Variants in DYDC1 observed in about 807,000 individuals in gnomAD.
The protein encoded by DYDC1 is DPY30 domain-containing protein 1.
A neutral mutation model predicts 27.9 loss-of-function variants in DYDC1; 21 were observed. That is an observed-to-expected ratio of 0.75 (90% CI 0.53 to 1.08). The LOEUF is 1.08. Among genes scored for constraint, DYDC1 ranks in the 50% least tolerant of loss-of-function variants. The pLI, the probability that DYDC1 is intolerant of heterozygous loss-of-function variation, is 0.00. For missense variants in DYDC1, 202 were observed against 205.9 expected (o/e 0.98, Z 0.12); for synonymous variants, 67 against 65.8 (o/e 1.02, Z -0.09).
intron 5 of DYDC1, 47 bp from the exon 6 acceptor site, chr10:80,338,618 ATACAT>A (rs1842216103): frequency 6.8e-7 from 1 of 1,467,642 alleles, no homozygotes; most frequent in Non-Finnish European, 9.0e-7. Context: ...TTCAAAATTA[ATACAT>A]TACTTTTCTT....
At chr10:80,352,315 T>C in intron 2 of DYDC1, 140 bp downstream of exon 2, 2 of 1,244,840 alleles carry the variant, frequency 1.6e-6, no homozygotes, top group Non-Finnish European at 2.1e-6. Context: ...TTCTCCTTCC[T>C]GCTTTTCATG....
At chr10:80,354,002 G>A (rs1296390338) in intron 1 of DYDC1, among the ~76,000 whole-genome samples, 1 of 151,962 alleles carries the variant, frequency 6.6e-6, no homozygotes, top group Non-Finnish European at 1.5e-5. Context: ...TGTAGTCCCA[G>A]CTACTTGGGA....
chr10:80,356,717 C>T lies in DYDC1; in HGVS notation c.-15G>A. On this transcript the variant is annotated 5_prime_UTR_variant, in exon 1 of 7. Coordinates refer to ENST00000372202, the MANE Select transcript of DYDC1 (RefSeq NM_001269053.2). ...GGCCTTTCCGGTGCGCTCACCCCTA[C>T]ACACGCGCCTGCTCGCCACCCAGGA... 1.0e-6 allele frequency: 1 copy of T among 985,072 alleles called. No homozygotes were observed. Among genetic ancestry groups the T allele is most frequent in the Non-Finnish European group, 1.2e-6 (1 of 829,586 alleles). 61.0% of individuals were successfully genotyped at this position (985,072 alleles called of 1,614,324 possible). A position where few individuals can be genotyped will look rare whatever the true frequency, so the allele number is the denominator to read the frequency against.
chr10:80,347,339 G>A (rs1278936701), intron 3 of DYDC1, among the ~76,000 whole-genome samples: 2 of 110,488 alleles, frequency 1.8e-5, no homozygotes, highest in East Asian at 6.1e-4. Flanking sequence ...ATATTTTGGA[G>A]ATTAACTCCT....
chr10:80,342,185 T>C, intron 4 of DYDC1, 84 bp downstream of exon 4: 1 of 1,339,700 alleles, frequency 7.5e-7, no homozygotes, highest in Non-Finnish European at 1.1e-6. Flanking sequence ...AATCCCATGG[T>C]CCTTCTGCTA....
chr10:80,341,224 C>G (rs540005345), intron 4 of DYDC1, among the ~76,000 whole-genome samples: 1 of 151,488 alleles, frequency 6.6e-6, no homozygotes, highest in African/African-American at 2.4e-5. Flanking sequence ...AAACTAGAGA[C>G]CTGACATGAT....
At chr10:80,348,660 A>G (rs767993902) in intron 3 of DYDC1, among the ~76,000 whole-genome samples, 2 of 152,246 alleles carry the variant, frequency 1.3e-5, no homozygotes, top group Non-Finnish European at 2.9e-5. Context: ...TAACTATGCA[A>G]TTAAGAAGCT....
chr10:80,355,582 A>T (rs1159437103), intron 1 of DYDC1, among the ~76,000 whole-genome samples: 1 of 152,150 alleles, frequency 6.6e-6, no homozygotes, highest in Non-Finnish European at 1.5e-5. Context: ...CACCATCTAA[A>T]TGTTCATCAA....
intron 3 of DYDC1, among the ~76,000 whole-genome samples, chr10:80,348,201 A>G (rs1330908880): frequency 6.6e-6 from 1 of 152,138 alleles, no homozygotes; most frequent in Non-Finnish European, 1.5e-5. Context: ...TACGTATATT[A>G]TTCTTTTTGA....
At chr10:80,352,359 T>C in intron 2 of DYDC1, 96 bp downstream of exon 2, 1 of 1,362,882 alleles carries the variant, frequency 7.3e-7, no homozygotes, top group Admixed American at 3.4e-5. Flanking sequence ...ACATTATTTT[T>C]ATAACAGAAA....
intron 1 of DYDC1, 126 bp from the exon 2 acceptor site, chr10:80,352,736 G>A (rs1036892659): frequency 8.4e-7 from 1 of 1,193,838 alleles, no homozygotes; most frequent in Non-Finnish European, 1.1e-6. Context: ...CCTCCCATTG[G>A]GGGTGTCACA....
At chr10:80,345,810 T>C (rs750526384) in intron 3 of DYDC1, among the ~76,000 whole-genome samples, 13 of 152,226 alleles carry the variant, frequency 8.5e-5, no homozygotes, top group Non-Finnish European at 1.5e-4. Flanking sequence ...TATACATATA[T>C]GTGATACATA....
intron 3 of DYDC1, among the ~76,000 whole-genome samples, chr10:80,347,085 A>G (rs1468173406): frequency 1.3e-5 from 2 of 148,706 alleles, no homozygotes; most frequent in Non-Finnish European, 3.0e-5. Context: ...GTGTCCGAAA[A>G]AGAAAAAAAA....
intron 3 of DYDC1, among the ~76,000 whole-genome samples, chr10:80,343,679 T>A (rs1403719124): frequency 6.6e-6 from 1 of 150,470 alleles, no homozygotes; most frequent in Non-Finnish European, 1.5e-5. Context: ...CACACTAGAG[T>A]GTGTATTATT....
At chr10:80,356,009 G>T (rs554280984) in intron 1 of DYDC1, among the ~76,000 whole-genome samples, 95 of 149,816 alleles carry the variant, frequency 6.3e-4, no homozygotes, top group Non-Finnish European at 1.1e-3. Context: ...AAAAAAAGGT[G>T]CACAGACTCC....
chr10:80,337,876 T>C (rs558975704), intron 6 of DYDC1, among the ~76,000 whole-genome samples: 1 of 152,348 alleles, frequency 6.6e-6, no homozygotes, highest in Non-Finnish European at 1.5e-5. Context: ...TTACATCTGC[T>C]GATCCGGCTC....
Position 80,351,916 on chromosome 10 carries a change from C to T in DYDC1, c.234G>A (p.Glu78=). 3.7e-6 allele frequency: 6 copies of T among 1,614,152 alleles called. No individual in the cohort carries two copies. Among genetic ancestry groups the T allele is most frequent in the African/African-American group, 2.7e-5 (2 of 75,058 alleles). ...QEMMERLKAE[E]LLLQQQQLAL... ...CTTGCCTCACCTGCTGAAGTAAGAG[C>T]TCCTCTGCTTTGAGCCTCTCCATCA... The change falls in exon 3 of 7, where the codon GAG becomes GAA. Residue 78 remains glutamate (E), a synonymous_variant. Transcript: ENST00000372202.
intron 3 of DYDC1, among the ~76,000 whole-genome samples, chr10:80,349,785 CAT>C (rs1435293173): frequency 6.6e-6 from 1 of 152,212 alleles, no homozygotes; most frequent in Non-Finnish European, 1.5e-5. Flanking sequence ...CTTCCTCACA[CAT>C]GAGCAAAACC....
downstream of DYDC1, chr10:80,336,036 A>G: frequency 3.0e-6 from 2 of 660,286 alleles, no homozygotes; most frequent in East Asian, 5.8e-5. Context: ...ATTCATAAGC[A>G]GTCCTTAGAG....
Sources: gnomAD v4.1 joint callset for allele counts (sites outside exome capture counted in the v4.1 genomes callset) on GRCh38, gnomAD v4.1.1 for gene constraint, MANE v1.5 for transcripts, NCBI Gene and HGNC (gene_info 2026-07-23, HGNC 2026-07-21) for gene names.